Variants in CTAGE1 observed in about 807,000 individuals in gnomAD.
The protein encoded by CTAGE1 is cutaneous T cell lymphoma-associated antigen 1.
For missense variants in CTAGE1, 963 were observed against 855.9 expected, an observed-to-expected ratio of 1.13 and a Z score of -1.56; for synonymous variants, 332 against 302.8, an observed-to-expected ratio of 1.10 and a Z score of -1.00.
In CTAGE1 at chr18:22,414,312, C is replaced by T. The variant is rs543613689; in HGVS notation, c.*1262G>A. 3.1e-4 allele frequency: 62 copies of T among 201,096 alleles called. No homozygotes were observed. Among genetic ancestry groups the T allele is most frequent in the African/African-American group, 1.3e-3 (54 of 43,048 alleles). 12.5% of individuals were successfully genotyped at this position (201,096 alleles called of 1,614,324 possible). On this transcript the variant is annotated 3_prime_UTR_variant, in exon 1 of 1. Transcript: ENST00000391403. The stretch of plus-strand genomic sequence containing the variant: ...AGGATAGTGGTGGTTCAAGGGAAGA[C>T]GGAAAATGTATAGGAAGCCCCAGTG...
chr18:22,415,889 A>C lies in CTAGE1; in HGVS notation c.1923T>G (p.Asn641Lys), dbSNP rs200484572. Residue 641 changes from asparagine (N) to lysine (K), a missense_variant, in exon 1 of 1, where the codon AAT (asparagine) becomes AAG (lysine). Coordinates refer to ENST00000391403, the MANE Select transcript of CTAGE1 (RefSeq NM_172241.3). ...SRNDTKDNLG[N>K]LKVPDSSLPA... ...GGAGAGATGAATCAGGCACCTTTAA[A>C]TTACCAAGATTATCTTTGGTATCAT... The C allele has an allele frequency of 1.2e-4, 197 of 1,613,958 alleles. No homozygotes were observed. In the African/African-American group the frequency reaches 2.4e-3, roughly 20 times the overall value.
Position 22,416,862 on chromosome 18 carries a change from T to C in CTAGE1, c.950A>G (p.Lys317Arg). Residue 317 changes from lysine to arginine, a missense_variant, in exon 1 of 1, where the codon AAG (lysine) becomes AGG (arginine). Transcript: ENST00000391403. Reference sequence around the variant, plus strand: ...TTTAATATGCTCTGTAAGCTCTTCCTTTGTTTTATCAACTTCAGATAATTG... The same window carrying C: ...TTTAATATGCTCTGTAAGCTCTTCCCTTGTTTTATCAACTTCAGATAATTG... Reference protein sequence around the residue: ...YIQLSEVDKTKEELTEHIKNL... With the variant: ...YIQLSEVDKTREELTEHIKNL... 6.2e-7 allele frequency: 1 copy of C among 1,613,508 alleles called. No individual in the cohort carries two copies. The highest frequency in any genetic ancestry group is 2.2e-5 in the East Asian group (1 of 44,858).
chr18:22,416,020 A>G lies in CTAGE1; in HGVS notation c.1792T>C (p.Ser598Pro). Residue 598 changes from serine (S) to proline (P), a missense_variant, in exon 1 of 1, where the codon TCT (serine) becomes CCT (proline). Physicochemically the swap from Ser to Pro is moderately conservative, Grantham distance 74. Coordinates refer to ENST00000391403, the MANE Select transcript of CTAGE1 (RefSeq NM_172241.3). ...GGTCCAGAGAGTCTAGCACAATTAG[A>G]ATAAAATCTGTCTTGCCTTTGTGGA... ...LPPQRQDRFY[S>P]NCARLSGPAE... is the part of the protein sequence containing the mutation. 4 of 1,614,002 alleles carry G rather than the reference A, an allele frequency of 2.5e-6. No individual in the cohort carries two copies. Among genetic ancestry groups the G allele is most frequent in the Non-Finnish European group, 3.4e-6 (4 of 1,179,866 alleles).
Position 22,417,609 on chromosome 18 carries a change from A to T in CTAGE1, c.203T>A (p.Leu68His), listed in dbSNP as rs1481534146. ...EKCKLLEKFS[L>H]VQKEYEGYEV... Reference sequence around the variant, plus strand: ...ATAGCCTTCATACTCTTTTTGAACAAGGCTAAATTTTTCAAGTAGTTTACA... The same window carrying T: ...ATAGCCTTCATACTCTTTTTGAACATGGCTAAATTTTTCAAGTAGTTTACA... The change falls in exon 1 of 1, where the codon CTT (leucine) becomes CAT (histidine). Residue 68 changes from leucine (L) to histidine (H), a missense_variant. By Grantham distance (99) the Leu-to-His change is moderately conservative. Coordinates refer to ENST00000391403, the MANE Select transcript of CTAGE1 (RefSeq NM_172241.3). The T allele has an allele frequency of 6.2e-7, 1 of 1,614,002 alleles. No homozygotes were observed. The highest frequency in any genetic ancestry group is 1.7e-5 in the Admixed American group (1 of 60,022).
At position 22,417,793 on chromosome 18, in the gene CTAGE1, G is replaced by C. The variant is rs1405187477; in HGVS notation, c.19C>G (p.Pro7Ala). The part of the protein sequence containing the change: MRPDSH[P>A]YGFPWELVIR... ...ACCAATTCCCATGGAAAACCATAAGGATGAGAATCGGGTCTCATACCTTCA... is the reference window on the plus strand; with the variant it reads ...ACCAATTCCCATGGAAAACCATAAGCATGAGAATCGGGTCTCATACCTTCA... The change falls in exon 1 of 1, where the codon CCT (proline) becomes GCT (alanine). Residue 7 changes from proline to alanine, a missense_variant. Coordinates refer to ENST00000391403, the MANE Select transcript of CTAGE1 (RefSeq NM_172241.3). The C allele has an allele frequency of 1.2e-6, 2 of 1,614,206 alleles. No homozygotes were observed. Among genetic ancestry groups the C allele is most frequent in the Non-Finnish European group, 1.7e-6 (2 of 1,180,034 alleles).
Position 22,414,790 on chromosome 18 carries a change from C to T in CTAGE1, c.*784G>A, listed in dbSNP as rs1043035797. On this transcript the variant is annotated 3_prime_UTR_variant, in exon 1 of 1. Coordinates refer to ENST00000391403, the MANE Select transcript of CTAGE1 (RefSeq NM_172241.3). The stretch of plus-strand genomic sequence containing the variant: ...GTAAAAGTTCTGGATAAAGTTGTTC[C>T]CACCAAATAAAAATAAAACAAAAGA... 1.4e-6 allele frequency: 1 copy of T among 702,440 alleles called. No homozygotes were observed. The highest frequency in any genetic ancestry group is 2.6e-6 in the Non-Finnish European group (1 of 384,914). The allele number at this position is 702,440 out of a possible 1,614,324, so 43.5% of individuals were successfully genotyped here.
rs200584981 is a variant in CTAGE1 at position 22,417,123 on chromosome 18, T to C, written c.689A>G (p.Lys230Arg). 3.5e-5 allele frequency: 56 copies of C among 1,613,930 alleles called. No individual in the cohort carries two copies. The Admixed American group carries it at 7.0e-4, about 20-fold the overall frequency. The change falls in exon 1 of 1, where the codon AAA becomes AGA. Residue 230 changes from lysine to arginine, a missense_variant. Transcript: ENST00000391403. ...AGTCAGAGTCTTGATGTGATTTTCTTTATCATTTAGAACTTGTTCTGCATG... is the reference window on the plus strand; with the variant it reads ...AGTCAGAGTCTTGATGTGATTTTCTCTATCATTTAGAACTTGTTCTGCATG... ...KVHAEQVLND[K>R]ENHIKTLTER... is the part of the protein sequence containing the mutation.
rs754689752 is a variant in CTAGE1 at position 22,416,453 on chromosome 18, G to T, written c.1359C>A (p.Asn453Lys). The change falls in exon 1 of 1, where the codon AAC (asparagine) becomes AAA (lysine). Residue 453 changes from asparagine (N) to lysine (K), a missense_variant. Physicochemically the swap from Asn to Lys is moderately conservative, Grantham distance 94. Coordinates refer to ENST00000391403, the MANE Select transcript of CTAGE1 (RefSeq NM_172241.3). The part of the protein sequence containing the change: ...LNDLRKENAH[N>K]RQKLTEIEFK... ...ACTCTATTTCAGTTAATTTTTGTCT[G>T]TTGTGAGCATTTTCTTTCCTTAAAT... The T allele has an allele frequency of 1.2e-6, 2 of 1,613,968 alleles. No individual in the cohort carries two copies. Among genetic ancestry groups the T allele is most frequent in the South Asian group, 2.2e-5 (2 of 91,022 alleles).
chr18:22,417,047 T>C lies in CTAGE1; in HGVS notation c.765A>G (p.Val255=). ...CTAATTCCAAGTTATCATCATCCGT[T>C]ACATCTTCTTCAAGCATAGCAACCC... is the stretch of plus-strand genomic sequence containing the variant. ...KDGVAMLEED[V]TDDDNLELEM... Residue 255 remains valine (V), a synonymous_variant, in exon 1 of 1, where the codon GTA becomes GTG. Coordinates refer to ENST00000391403, the MANE Select transcript of CTAGE1 (RefSeq NM_172241.3). 1 of 1,614,012 alleles carries C rather than the reference T, an allele frequency of 6.2e-7. No homozygotes were observed. Among genetic ancestry groups the C allele is most frequent in the Non-Finnish European group, 8.5e-7 (1 of 1,179,876 alleles).
Position 22,415,464 on chromosome 18 carries a change from T to C in CTAGE1, c.*110A>G, listed in dbSNP as rs2034997329. The C allele has an allele frequency of 2.2e-6, 2 of 897,904 alleles. No homozygotes were observed. Among genetic ancestry groups the C allele is most frequent in the Non-Finnish European group, 3.5e-6 (2 of 577,632 alleles). The allele number at this position is 897,904 out of a possible 1,614,324, so 55.6% of individuals were successfully genotyped here. On this transcript the variant is annotated 3_prime_UTR_variant, in exon 1 of 1. Coordinates refer to ENST00000391403, the MANE Select transcript of CTAGE1 (RefSeq NM_172241.3). ...AACTGAAAATGAGATCAGTCAAAAT[T>C]ACTTTTGAAGAGGGCAAACATGTTG...
rs1460365846 is a variant in CTAGE1, at chr18:22,417,155, G to T, written c.657C>A (p.Ser219=). The T allele has an allele frequency of 2.5e-6, 4 of 1,613,852 alleles. No individual in the cohort carries two copies. In the Admixed American group the frequency reaches 6.7e-5, roughly 27 times the overall value. Residue 219 remains serine (S), a synonymous_variant, in exon 1 of 1, where the codon TCC becomes TCA. Coordinates refer to ENST00000391403, the MANE Select transcript of CTAGE1 (RefSeq NM_172241.3). The part of the protein sequence containing the change: ...LIKQKRTFED[S]KVHAEQVLND... Reference sequence around the variant, plus strand: ...TTAGAACTTGTTCTGCATGTACTTTGGAGTCTTCAAATGTTCTTTTCTGTT... The same window carrying T: ...TTAGAACTTGTTCTGCATGTACTTTTGAGTCTTCAAATGTTCTTTTCTGTT...
At position 22,417,683 on chromosome 18, in the gene CTAGE1, T is replaced by C; in HGVS notation, c.129A>G (p.Arg43=). Residue 43 remains arginine, a synonymous_variant, in exon 1 of 1, where the codon AGA becomes AGG. Transcript: ENST00000391403. ...FRSVTSRLYV[R]REKKFAVALS... is the part of the protein sequence containing the mutation. ...GTGCCACAGCAAACTTTTTCTCTCT[T>C]CTCACATAAAGCCGACTCGTAACTG... 1.2e-6 allele frequency: 2 copies of C among 1,614,050 alleles called. No individual in the cohort carries two copies. The highest frequency in any genetic ancestry group is 1.7e-6 in the Non-Finnish European group (2 of 1,179,926).
rs753087084 is a variant in CTAGE1 at position 22,416,869 on chromosome 18, T to C, written c.943A>G (p.Lys315Glu). The change falls in exon 1 of 1, where the codon AAA becomes GAA. Residue 315 changes from lysine to glutamate, a missense_variant. Lys to Glu is a moderately conservative substitution (Grantham distance 56). Coordinates refer to ENST00000391403, the MANE Select transcript of CTAGE1 (RefSeq NM_172241.3). ...TGCTCTGTAAGCTCTTCCTTTGTTT[T>C]ATCAACTTCAGATAATTGAATATAA... ...QIYIQLSEVD[K>E]TKEELTEHIK... 6 of 1,613,576 alleles carry C rather than the reference T, an allele frequency of 3.7e-6. No homozygotes were observed. Among genetic ancestry groups the C allele is most frequent in the Non-Finnish European group, 5.1e-6 (6 of 1,179,758 alleles).
In CTAGE1 at chr18:22,413,639, C is replaced by G. The variant is rs1470648669; in HGVS notation, c.*1935G>C. On this transcript the variant is annotated 3_prime_UTR_variant, in exon 1 of 1. Coordinates refer to ENST00000391403, the MANE Select transcript of CTAGE1 (RefSeq NM_172241.3). ...ATTCACTCTTTATTATTTCAACTTT[C>G]TTTTTAGTTTATTAGGTTCATGGAA... 6.6e-6 allele frequency: 1 copy of G among 152,164 alleles called. No individual in the cohort carries two copies. Among genetic ancestry groups the G allele is most frequent in the African/African-American group, 2.4e-5 (1 of 41,446 alleles). The allele number at this position is 152,164 out of a possible 1,614,324, so 9.4% of individuals were successfully genotyped here.
chr18:22,415,489 G>C lies in CTAGE1; in HGVS notation c.*85C>G. On this transcript the variant is annotated 3_prime_UTR_variant, in exon 1 of 1. Coordinates refer to ENST00000391403, the MANE Select transcript of CTAGE1 (RefSeq NM_172241.3). ...TACTTTTGAAGAGGGCAAACATGTT[G>C]TTAGGTTTCTTGCTGTCGTTCTGGA... The C allele has an allele frequency of 8.7e-7, 1 of 1,152,416 alleles. No homozygotes were observed. Among genetic ancestry groups the C allele is most frequent in the South Asian group, 1.5e-5 (1 of 66,306 alleles). The allele number at this position is 1,152,416 out of a possible 1,614,324, so 71.4% of individuals were successfully genotyped here.
At position 22,416,013 on chromosome 18, in the gene CTAGE1, C is replaced by G. The variant is rs553263175; in HGVS notation, c.1799G>C (p.Cys600Ser). 2.5e-6 allele frequency: 4 copies of G among 1,613,920 alleles called. No individual in the cohort carries two copies. The East Asian group carries it at 6.7e-5, about 27-fold the overall frequency. The change falls in exon 1 of 1, where the codon TGT (cysteine) becomes TCT (serine). Residue 600 changes from cysteine (C) to serine (S), a missense_variant. Coordinates refer to ENST00000391403, the MANE Select transcript of CTAGE1 (RefSeq NM_172241.3). ...PQRQDRFYSN[C>S]ARLSGPAELR... is the part of the protein sequence containing the mutation. Reference sequence around the variant, plus strand: ...TTCTGCTGGTCCAGAGAGTCTAGCACAATTAGAATAAAATCTGTCTTGCCT... The same window carrying G: ...TTCTGCTGGTCCAGAGAGTCTAGCAGAATTAGAATAAAATCTGTCTTGCCT...
Position 22,416,197 on chromosome 18 carries a change from T to A in CTAGE1, c.1615A>T (p.Ile539Phe), listed in dbSNP as rs994590077. 6.2e-7 allele frequency: 1 copy of A among 1,613,906 alleles called. No homozygotes were observed. Among genetic ancestry groups the A allele is most frequent in the African/African-American group, 1.3e-5 (1 of 75,034 alleles). ...CTTGATTCTCCTCTTTCTTTGGTAA[T>A]CTGATGGTCCGGAGGATTCCCTGGG... ...RGPGNPPDHQITKERGESSCD... is the reference protein window; with the variant it reads ...RGPGNPPDHQFTKERGESSCD... The change falls in exon 1 of 1, where the codon ATT (isoleucine) becomes TTT (phenylalanine). Residue 539 changes from isoleucine to phenylalanine, a missense_variant. Transcript: ENST00000391403.
rs1482695877 is a variant in CTAGE1, at chr18:22,417,229, G to A, written c.583C>T (p.Leu195Phe). 4 of 1,613,892 alleles carry A rather than the reference G, an allele frequency of 2.5e-6. No homozygotes were observed. The South Asian group carries it at 4.4e-5, about 18-fold the overall frequency. The change falls in exon 1 of 1, where the codon CTT (leucine) becomes TTT (phenylalanine). Residue 195 changes from leucine (L) to phenylalanine (F), a missense_variant. Physicochemically the swap from Leu to Phe is conservative, Grantham distance 22 (BLOSUM62 0). Coordinates refer to ENST00000391403, the MANE Select transcript of CTAGE1 (RefSeq NM_172241.3). Reference protein sequence around the residue: ...NSELQESQKQLLQEAEVWKEQ... With the variant: ...NSELQESQKQFLQEAEVWKEQ... ...TTCCATACTTCAGCTTCTTGCAAAA[G>A]CTGTTTCTGGCTTTCCTGAAGTTCA...
chr18:22,416,542 G>T lies in CTAGE1; in HGVS notation c.1270C>A (p.Leu424Ile). 6.2e-7 allele frequency: 1 copy of T among 1,611,472 alleles called. No homozygotes were observed. The highest frequency in any genetic ancestry group is 8.5e-7 in the Non-Finnish European group (1 of 1,179,466). The change falls in exon 1 of 1, where the codon CTC becomes ATC. Residue 424 changes from leucine to isoleucine, a missense_variant. Physicochemically the swap from Leu to Ile is conservative, Grantham distance 5 (BLOSUM62 2). Coordinates refer to ENST00000391403, the MANE Select transcript of CTAGE1 (RefSeq NM_172241.3). ...TTATCATGTGCTTTTTTCTCATGGA[G>T]AATAATCTTCTTTTGATAAAAATGA... ...TIHFYQKKII[L>I]HEKKAHDNWS...
Sources: gnomAD v4.1 joint callset for allele counts on GRCh38, gnomAD v4.1.1 for gene constraint, MANE v1.5 for transcripts, NCBI Gene and HGNC (gene_info 2026-07-23, HGNC 2026-07-21) for gene names.